Variants in RCAN1 observed in about 807,000 individuals in gnomAD.
The protein encoded by RCAN1 is calcipressin-1.
A neutral mutation model predicts 22.9 loss-of-function variants in RCAN1; 11 were observed. The ratio of observed to expected loss-of-function variants is 0.48; its 90% CI spans 0.30 to 0.79. The LOEUF (loss-of-function observed/expected upper bound fraction) is 0.79. Among genes scored for constraint, RCAN1 ranks in the 30% least tolerant of loss-of-function variants. The pLI, the probability that RCAN1 is intolerant of heterozygous loss-of-function variation, is 0.06. For missense variants in RCAN1, 291 were observed against 337.8 expected, an observed-to-expected ratio of 0.86 and a Z score of 1.09; for synonymous variants, 136 against 142.3, an observed-to-expected ratio of 0.96 and a Z score of 0.32.
At chr21:34,567,511 A>T (rs1008384226) in intron 1 of RCAN1, among the ~76,000 whole-genome samples, 1 of 150,948 alleles carries the variant, frequency 6.6e-6, no homozygotes, top group Admixed American at 6.6e-5. Flanking sequence ...GCCGAGATCA[A>T]GCCACTGCAC....
chr21:34,586,279 T>A (rs1987792476), intron 1 of RCAN1, among the ~76,000 whole-genome samples: 1 of 152,120 alleles, frequency 6.6e-6, no homozygotes, highest in South Asian at 2.1e-4. Flanking sequence ...CATGAAACAC[T>A]TATCAAAACC....
intron 1 of RCAN1, among the ~76,000 whole-genome samples, chr21:34,607,999 T>C (rs1466058137): frequency 6.6e-6 from 1 of 152,182 alleles, no homozygotes; most frequent in Non-Finnish European, 1.5e-5. Context: ...GGGATCTGGG[T>C]TGCCCACTCC....
chr21:34,567,223 C>T (rs150693714), intron 1 of RCAN1, among the ~76,000 whole-genome samples: 36 of 152,284 alleles, frequency 2.4e-4, no homozygotes, highest in East Asian at 1.9e-3. Flanking sequence ...AGGCTGGGCG[C>T]GGTGGCTCAC....
chr21:34,572,412 G>A (rs1378439469), intron 1 of RCAN1, among the ~76,000 whole-genome samples: 1 of 152,130 alleles, frequency 6.6e-6, no homozygotes, highest in Non-Finnish European at 1.5e-5. Context: ...TCCTGGGGCT[G>A]GTGGAGGTGG....
Position 34,614,567 on chromosome 21 carries a change from G to T in RCAN1, c.252+193C>A. On this transcript the variant is annotated intron_variant, in intron 1 of 3. Coordinates refer to ENST00000313806, the MANE Select transcript of RCAN1 (RefSeq NM_004414.7). This position sits in a 1 kb window ranked among gnomAD's most constrained non-coding sequence, Gnocchi z 6.0. Reference sequence around the variant, plus strand: ...AGTGAGCTCCGCGCGCCCCGGGGGTGCTAGGGGACCGGGACCCTCGGGGCG... The same window carrying T: ...AGTGAGCTCCGCGCGCCCCGGGGGTTCTAGGGGACCGGGACCCTCGGGGCG... 2.0e-6 allele frequency: 2 copies of T among 993,782 alleles called. No individual in the cohort carries two copies. The highest frequency in any genetic ancestry group is 2.5e-6 in the Non-Finnish European group (2 of 810,702). 61.6% of individuals were successfully genotyped at this position (993,782 alleles called of 1,614,324 possible).
chr21:34,549,795 GTCCATCCATCATCCATCCATCCA>G (rs1986294392), intron 1 of RCAN1, among the ~76,000 whole-genome samples: 1 of 152,086 alleles, frequency 6.6e-6, no homozygotes, highest in East Asian at 1.9e-4. Context: ...TTATTCGTTT[GTCCATCCATCATCCATCCATCCA>G]TCCATCCACC....
intron 1 of RCAN1, among the ~76,000 whole-genome samples, chr21:34,568,563 T>C (rs1051100292): frequency 2.6e-5 from 4 of 152,190 alleles, no homozygotes; most frequent in African/African-American, 9.7e-5. Flanking sequence ...AATGAGCTCT[T>C]AGAGGGCTCT....
intron 1 of RCAN1, among the ~76,000 whole-genome samples, chr21:34,544,336 A>G (rs1473143202): frequency 1.3e-5 from 2 of 152,206 alleles, no homozygotes; most frequent in African/African-American, 4.8e-5. Flanking sequence ...GATTCTGAAG[A>G]TGGAGGGGGC....
intron 1 of RCAN1, among the ~76,000 whole-genome samples, chr21:34,589,654 T>C (rs1987907088): frequency 6.6e-6 from 1 of 151,998 alleles, no homozygotes; most frequent in South Asian, 2.1e-4. Context: ...CCAATGTGGG[T>C]GGGCATCATC....
intron 1 of RCAN1, among the ~76,000 whole-genome samples, chr21:34,601,749 C>T (rs1474295973): frequency 3.4e-5 from 5 of 145,296 alleles, no homozygotes; most frequent in East Asian, 4.3e-4. Context: ...ACCTGGGAGG[C>T]GGAGCTTGCA....
At chr21:34,562,484 A>C (rs1986826094) in intron 1 of RCAN1, among the ~76,000 whole-genome samples, 1 of 152,238 alleles carries the variant, frequency 6.6e-6, no homozygotes, top group Non-Finnish European at 1.5e-5. Flanking sequence ...GTGGGAGAGC[A>C]GAGGCGACAT....
At position 34,581,438 on chromosome 21, in the gene RCAN1, C is replaced by G. The variant is rs991125627; in HGVS notation, c.252+33322G>C. ...ATGAATTGCTGTTGCCCCCAAAGAC[C>G]CTTTCAGTCTGAGGAAGTATTATTC... On this transcript the variant is annotated intron_variant, in intron 1 of 3. Transcript: ENST00000313806. Among the ~76,000 whole-genome samples the G allele has an allele frequency of 7.9e-5, 12 of 152,220 alleles. No homozygotes were observed. The East Asian group carries it at 9.6e-4, about 12-fold the overall frequency.
intron 1 of RCAN1, 166 bp from the exon 2 acceptor site, chr21:34,523,876 A>G: frequency 2.1e-6 from 1 of 486,354 alleles, no homozygotes; most frequent in Non-Finnish European, 3.6e-6. Context: ...TCCACCTCCC[A>G]GGTTCAAGTG....
At chr21:34,594,443 T>C (rs1178037124) in intron 1 of RCAN1, among the ~76,000 whole-genome samples, 2 of 152,068 alleles carry the variant, frequency 1.3e-5, no homozygotes, top group Non-Finnish European at 2.9e-5. Flanking sequence ...TCCCAGTTAC[T>C]CCAGAGGTTG....
chr21:34,519,375 T>C (rs1984303019), intron 3 of RCAN1, among the ~76,000 whole-genome samples: 1 of 150,376 alleles, frequency 6.6e-6, no homozygotes. Context: ...TTCTTTTCTT[T>C]TTTCTTTTTC....
chr21:34,582,996 A>G (rs1354208720), intron 1 of RCAN1, among the ~76,000 whole-genome samples: 1 of 152,118 alleles, frequency 6.6e-6, no homozygotes, highest in Admixed American at 6.5e-5. Context: ...TGGTTGTTTT[A>G]GGAACAACAG....
chr21:34,584,756 C>T (rs1339975393), intron 1 of RCAN1, among the ~76,000 whole-genome samples: 2 of 152,300 alleles, frequency 1.3e-5, no homozygotes, highest in African/African-American at 4.8e-5. Context: ...TACCTGCTTG[C>T]CTGGTGACAA....
At chr21:34,521,209 G>A in intron 3 of RCAN1, 2 of 1,403,072 alleles carry the variant, frequency 1.4e-6, no homozygotes, top group Non-Finnish European at 1.8e-6. Flanking sequence ...CTCCCACGCA[G>A]GCTGTGCTCA....
chr21:34,600,840 G>C (rs919913152), intron 1 of RCAN1, among the ~76,000 whole-genome samples: 1 of 152,206 alleles, frequency 6.6e-6, no homozygotes, highest in East Asian at 1.9e-4. Flanking sequence ...GCATTTATAA[G>C]TGTTAATAAG....
Sources: gnomAD v4.1 joint callset for allele counts (sites outside exome capture counted in the v4.1 genomes callset) on GRCh38, gnomAD v4.1.1 for gene constraint, Gnocchi (gnomAD v3.1) non-coding constraint, MANE v1.5 for transcripts, NCBI Gene and HGNC (gene_info 2026-07-23, HGNC 2026-07-21) for gene names.